The following LARP1B variants were observed in gnomAD, a reference collection of about 807,000 sequenced individuals.
LARP1B encodes la-related protein 1B.
Under a neutral mutation model 114.2 loss-of-function variants are expected in LARP1B, and 76 were observed. The observed-to-expected ratio is 0.67, with a 90% CI of 0.55 to 0.81. The LOEUF (loss-of-function observed/expected upper bound fraction) is 0.81, where lower values mean the gene tolerates loss of function less well. Ranked by LOEUF, LARP1B falls within the 30% of genes least tolerant of loss-of-function variation. The pLI is 0.00. For synonymous variants in LARP1B, 345 were observed against 348.0 expected, an observed-to-expected ratio of 0.99 and a Z score of 0.10; for missense variants, 1,014 against 1,075.8, an observed-to-expected ratio of 0.94 and a Z score of 0.80.
intron 8 of LARP1B, among the ~76,000 whole-genome samples, chr4:128,100,904 G>A (rs1048894124): frequency 6.7e-6 from 1 of 148,804 alleles, no homozygotes; most frequent in South Asian, 2.1e-4. Flanking sequence ...TGCAACCTGC[G>A]TTTCCTGGGT....
chr4:128,082,415 G>A, intron 5 of LARP1B, 110 bp downstream of exon 5: 1 of 941,228 alleles, frequency 1.1e-6, no homozygotes, highest in South Asian at 1.6e-5. Context: ...AAGACATCAT[G>A]TCCCTTTAAC....
chr4:128,149,282 G>A (rs1423491666), intron 11 of LARP1B, among the ~76,000 whole-genome samples: 1 of 152,146 alleles, frequency 6.6e-6, no homozygotes, highest in Non-Finnish European at 1.5e-5. Context: ...ATTGCAAAGT[G>A]TCTTGAAAGC....
intron 9 of LARP1B, among the ~76,000 whole-genome samples, chr4:128,112,065 T>A (rs764365202): frequency 6.6e-6 from 1 of 152,132 alleles, no homozygotes; most frequent in Non-Finnish European, 1.5e-5. Flanking sequence ...TTAATATTTT[T>A]CCCATTCCTA....
At chr4:128,107,008 T>C in intron 8 of LARP1B, 131 bp from the exon 9 acceptor site, 1 of 691,046 alleles carries the variant, frequency 1.4e-6, no homozygotes, top group South Asian at 2.0e-5. Context: ...TGTGGTTAAC[T>C]TATGGATTTT....
chr4:128,153,131 C>T (rs1283805655), intron 11 of LARP1B, among the ~76,000 whole-genome samples: 9 of 150,456 alleles, frequency 6.0e-5, no homozygotes, highest in Admixed American at 1.3e-4. Flanking sequence ...TACAGGTGCC[C>T]GCCAGCACAC....
chr4:128,209,958 A>G lies in LARP1B; in HGVS notation c.2650A>G (p.Asn884Asp). 1 of 1,613,956 alleles carries G rather than the reference A, an allele frequency of 6.2e-7. No homozygotes were observed. Among genetic ancestry groups the G allele is most frequent in the Non-Finnish European group, 8.5e-7 (1 of 1,179,902 alleles). The change falls in exon 20 of 20, where the codon AAT becomes GAT. Residue 884 changes from asparagine (N) to aspartate (D), a missense_variant. By Grantham distance (23) the Asn-to-Asp change is conservative. Coordinates refer to ENST00000326639, the MANE Select transcript of LARP1B (RefSeq NM_018078.4). ...ACCTAATTCCTCTACAAAGCCACCA[A>G]ATGCTGCTAAACCTACATCTACCAG... ...LPPNSSTKPPNAAKPTSTSEL... is the reference protein window; with the variant it reads ...LPPNSSTKPPDAAKPTSTSEL...
chr4:128,160,373 C>T (rs532930259), intron 11 of LARP1B, among the ~76,000 whole-genome samples: 1 of 152,170 alleles, frequency 6.6e-6, no homozygotes, highest in East Asian at 1.9e-4. Context: ...GGTGTATGAG[C>T]TATTTTGGGG....
intron 11 of LARP1B, among the ~76,000 whole-genome samples, chr4:128,157,121 C>A (rs562421730): frequency 3.3e-5 from 5 of 151,968 alleles, no homozygotes; most frequent in Non-Finnish European, 4.4e-5. Context: ...ATCAAGCAGA[C>A]TTTGTTTTTA....
At chr4:128,181,973 CT>C (rs924741991) in intron 15 of LARP1B, among the ~76,000 whole-genome samples, 17 of 146,412 alleles carry the variant, frequency 1.2e-4, no homozygotes, top group South Asian at 4.4e-4. Context: ...GCCTGGCTAA[CT>C]TTTTTTTTTG....
chr4:128,198,561 C>T (rs956414610), intron 15 of LARP1B, among the ~76,000 whole-genome samples: 1 of 152,240 alleles, frequency 6.6e-6, no homozygotes, highest in African/African-American at 2.4e-5. Flanking sequence ...CAATTCACAT[C>T]AGTTTTACAC....
At chr4:128,207,962 G>A (rs1410449933) in intron 19 of LARP1B, among the ~76,000 whole-genome samples, 1 of 152,126 alleles carries the variant, frequency 6.6e-6, no homozygotes, top group Non-Finnish European at 1.5e-5. Context: ...ATTTCAAGAG[G>A]AAAAGAAAAG....
At position 128,107,255 on chromosome 4, in the gene LARP1B, C is replaced by T. The variant is rs2149798398; in HGVS notation, c.930C>T (p.Phe310=). Residue 310 remains phenylalanine (F), a synonymous_variant, in exon 9 of 20, where the codon TTC becomes TTT. Coordinates refer to ENST00000326639, the MANE Select transcript of LARP1B (RefSeq NM_018078.4). Reference sequence around the variant, plus strand: ...CACGCAGTGTGCCACCAACAGACTTCTCTCAACTGATTGATTGTCCAGAGT... The same window carrying T: ...CACGCAGTGTGCCACCAACAGACTTTTCTCAACTGATTGATTGTCCAGAGT... ...PPPRSVPPTD[F]SQLIDCPEFV... is the part of the protein sequence containing the mutation. The T allele has an allele frequency of 6.2e-7, 1 of 1,614,160 alleles. No individual in the cohort carries two copies. The highest frequency in any genetic ancestry group is 8.5e-7 in the Non-Finnish European group (1 of 1,179,996).
At chr4:128,121,757 C>G in intron 10 of LARP1B, 69 bp from the exon 11 acceptor site, 1 of 1,127,688 alleles carries the variant, frequency 8.9e-7, no homozygotes, top group Non-Finnish European at 1.2e-6. Context: ...ACTTGTAACA[C>G]TGTTTTATGA....
At chr4:128,221,610 T>C (rs974153409) in intron 7 of LARP1B, among the ~76,000 whole-genome samples, 9 of 152,230 alleles carry the variant, frequency 5.9e-5, no homozygotes, top group African/African-American at 1.9e-4. Flanking sequence ...CCTTTCTCCA[T>C]GTGTTTTAAG....
intron 4 of LARP1B, among the ~76,000 whole-genome samples, chr4:128,080,262 C>T (rs967961923): frequency 6.6e-6 from 1 of 151,646 alleles, no homozygotes; most frequent in African/African-American, 2.4e-5. Context: ...GGATTACAGG[C>T]GTGAGCCACC....
At chr4:128,155,413 G>A (rs1273903212) in intron 11 of LARP1B, 2 of 644,414 alleles carry the variant, frequency 3.1e-6, no homozygotes, top group Non-Finnish European at 5.6e-6. Context: ...CAGGGAACCC[G>A]GCCCGAGCTC....
Position 128,098,747 on chromosome 4 carries a change from G to GTGTGTGTATATATATATATATA in LARP1B, c.813+418_813+419insGTGTGTATATATATATATATAT. 2.1e-3 allele frequency among the ~76,000 whole-genome samples: 33 copies of GTGTGTGTATATATATATATATA among 15,578 alleles called. 3 individuals are homozygous for GTGTGTGTATATATATATATATA. The highest frequency in any genetic ancestry group is 5.0e-3 in the South Asian group (1 of 202). The allele number at this position is 15,578 out of a possible 152,430, so 10.2% of individuals were successfully genotyped here. On this transcript the variant is annotated intron_variant, in intron 8 of 19. Transcript: ENST00000326639. ...AGCATGTGTTCCTGTATATGTATGT[G>GTGTGTGTATATATATATATATA]TATATATATATATATATATATTTTT...
At chr4:128,107,075 C>A in intron 8 of LARP1B, 64 bp from the exon 9 acceptor site, 1 of 1,375,678 alleles carries the variant, frequency 7.3e-7, no homozygotes, top group Admixed American at 2.2e-5. Context: ...TTTTTAGGTT[C>A]TTAGAAGTAT....
At chr4:128,107,559 A>G in intron 9 of LARP1B, 3 of 1,367,566 alleles carry the variant, frequency 2.2e-6, no homozygotes, top group South Asian at 1.7e-5. Flanking sequence ...GTACTTTGTC[A>G]TGTATGGAGT....
Sources: allele counts gnomAD v4.1 joint callset (sites outside exome capture counted in the v4.1 genomes callset), GRCh38; gene constraint gnomAD v4.1.1; transcripts MANE v1.5; gene names NCBI Gene and HGNC (gene_info 2026-07-23, HGNC 2026-07-21).